ZNF785: variants seen among roughly 807,000 people sequenced by gnomAD.
ZNF785 encodes the protein zinc finger protein 785.
Under a neutral mutation model 11.3 loss-of-function variants are expected in ZNF785, and 15 were observed. The observed-to-expected ratio is 1.32, with a 90% CI of 0.89 to 2.04. The LOEUF (loss-of-function observed/expected upper bound fraction) is 2.04, where lower values mean the gene tolerates loss of function less well. ZNF785 is among the 30% of genes most tolerant of loss of function. ZNF785 has a pLI of 0.00. For missense variants in ZNF785, 572 were observed against 560.9 expected, an observed-to-expected ratio of 1.02 and a Z score of -0.20; for synonymous variants, 221 against 231.0, an observed-to-expected ratio of 0.96 and a Z score of 0.39.
In ZNF785 at chr16:30,582,866, G is replaced by A. The variant is rs770079572; in HGVS notation, c.912C>T (p.Arg304=). Residue 304 remains arginine (R), a synonymous_variant, in exon 3 of 3, where the codon CGC becomes CGT. Transcript: ENST00000395216. Reference sequence around the variant, plus strand: ...GGTAGGGCTTCTCGCCGGTGTGTATGCGCCTGTGGATGGCCAGCAGGGAGG... The same window carrying A: ...GGTAGGGCTTCTCGCCGGTGTGTATACGCCTGTGGATGGCCAGCAGGGAGG... ...AYTSLLAIHR[R]IHTGEKPYPC... 6.2e-7 allele frequency: 1 copy of A among 1,613,362 alleles called. No homozygotes were observed. Among genetic ancestry groups the A allele is most frequent in the Non-Finnish European group, 8.5e-7 (1 of 1,179,774 alleles).
rs2051885289 is a variant in ZNF785 at position 30,585,601 on chromosome 16, G to GCTTC, written c.10_11insGAAG (p.Pro4ArgfsTer96). 1.3e-6 allele frequency: 2 copies of GCTTC among 1,501,778 alleles called. No homozygotes were observed. Among genetic ancestry groups the GCTTC allele is most frequent in the Non-Finnish European group, 1.8e-6 (2 of 1,131,992 alleles). The allele number at this position is 1,501,778 out of a possible 1,614,324, so 93.0% of individuals were successfully genotyped here. A position where few individuals can be genotyped will look rare whatever the true frequency, so the allele number is the denominator to read the frequency against. On this transcript the variant is annotated frameshift_variant, in exon 1 of 3. Transcript: ENST00000395216. LOFTEE classifies it high-confidence loss of function. The surrounding 1 kb of genome is among the most constrained non-coding windows in gnomAD (Gnocchi z 4.0). ...TACGTGGGCCGGGCGCGGCGCCAGG[G>GCTTC]GCGGCCCCATGGGAAACCCTTTCTG... is the stretch of plus-strand genomic sequence containing the variant.
At chr16:30,579,650 G>C (rs917640058), downstream of ZNF785, 5 of 393,200 alleles carry the variant, frequency 1.3e-5, no homozygotes, top group African/African-American at 1.0e-4. Context: ...ACAGTGCTGG[G>C]ATCACAGGTG....
chr16:30,585,371 C>T lies in ZNF785; in HGVS notation c.205+36G>A. ...GACACCGATCACCGCTTCCCACCGA[C>T]GGACTGGGGGTCCCGGCCGGAGGGC... is the stretch of plus-strand genomic sequence containing the variant. On this transcript the variant is annotated intron_variant, in intron 1 of 2. Coordinates refer to ENST00000395216, the MANE Select transcript of ZNF785 (RefSeq NM_152458.7). This position sits in a 1 kb window ranked among gnomAD's most constrained non-coding sequence, Gnocchi z 4.0. 6.4e-7 allele frequency: 1 copy of T among 1,573,150 alleles called. No homozygotes were observed. The highest frequency in any genetic ancestry group is 8.6e-7 in the Non-Finnish European group (1 of 1,161,694).
intron 2 of ZNF785, 127 bp downstream of exon 2, chr16:30,584,995 G>A: frequency 7.7e-7 from 1 of 1,294,576 alleles, no homozygotes; most frequent in Non-Finnish European, 1.0e-6. Context: ...GTGAGATGAG[G>A]ACGTTTCTGG....
rs750261608 is a variant in ZNF785, at chr16:30,582,977, G to T, written c.801C>A (p.Tyr267Ter). Residue 267 changes from tyrosine (Y) to a stop codon, truncating the protein, a stop_gained, in exon 3 of 3, where the codon TAC becomes TAA. Coordinates refer to ENST00000395216, the MANE Select transcript of ZNF785 (RefSeq NM_152458.7). LOFTEE classifies it low-confidence loss of function (END_TRUNC). ...ACSDCKSRFTYPYLLAIHQRK... is the reference protein window; with the variant it reads ...ACSDCKSRFT ...GCTGGTGGATGGCCAGCAGGTAGGG[G>T]TAAGTGAAGCGACTCTTGCAGTCTG... 3.7e-6 allele frequency: 6 copies of T among 1,613,992 alleles called. No homozygotes were observed. In the South Asian group the frequency reaches 6.6e-5, roughly 18 times the overall value.
In ZNF785 at chr16:30,583,350, G is replaced by C. The variant is rs540060247; in HGVS notation, c.428C>G (p.Pro143Arg). Residue 143 changes from proline to arginine, a missense_variant, in exon 3 of 3, where the codon CCC becomes CGC. Coordinates refer to ENST00000395216, the MANE Select transcript of ZNF785 (RefSeq NM_152458.7). ...AHEVAVKEWW[P>R]SVACPEFCNP... ...GCAGAACTCTGGGCAGGCGACGCTG[G>C]GCCACCACTCCTTGACAGCCACTTC... The C allele has an allele frequency of 6.2e-7, 1 of 1,613,508 alleles. No individual in the cohort carries two copies. The highest frequency in any genetic ancestry group is 2.2e-5 in the East Asian group (1 of 44,874).
In ZNF785 at chr16:30,585,550, G is replaced by A. The variant is rs367616716; in HGVS notation, c.62C>T (p.Thr21Met). 2 of 1,564,656 alleles carry A rather than the reference G, an allele frequency of 1.3e-6. No individual in the cohort carries two copies. The highest frequency in any genetic ancestry group is 2.7e-5 in the African/African-American group (2 of 73,668). ...CACGGCGCCCGGCCTGCTTTCCCTC[G>A]TCCTCCGGGGCCCGGCCTCCCCGGG... ...HVPGEAGPRRTRESRPGAVSF... is the reference protein window; with the variant it reads ...HVPGEAGPRRMRESRPGAVSF... Residue 21 changes from threonine (T) to methionine (M), a missense_variant, in exon 1 of 3, where the codon ACG becomes ATG. Thr to Met is a moderately conservative substitution (Grantham distance 81). Transcript: ENST00000395216. This position sits in a 1 kb window ranked among gnomAD's most constrained non-coding sequence, Gnocchi z 4.0.
At chr16:30,578,860 T>C (rs946563962), downstream of ZNF785, 1 of 148,620 alleles carries the variant, frequency 6.7e-6, no homozygotes, top group Non-Finnish European at 1.5e-5. Context: ...GTCTTGCTGT[T>C]ACTCAGACTG....
rs2051832666 is a variant in ZNF785, at chr16:30,582,813, G to A, written c.965C>T (p.Thr322Ile). The A allele has an allele frequency of 1.9e-6, 3 of 1,607,668 alleles. No homozygotes were observed. Among genetic ancestry groups the A allele is most frequent in the Non-Finnish European group, 2.6e-6 (3 of 1,175,930 alleles). Reference sequence around the variant, plus strand: ...GTGACTGAGGAGGAGGGAAGAATAGGTGAAGCGGCGGCCGCAGTCAGGACA... The same window carrying A: ...GTGACTGAGGAGGAGGGAAGAATAGATGAAGCGGCGGCCGCAGTCAGGACA... ...YPCPDCGRRF[T>I]YSSLLLSHRR... The change falls in exon 3 of 3, where the codon ACC becomes ATC. Residue 322 changes from threonine to isoleucine, a missense_variant. Transcript: ENST00000395216.
Position 30,585,368 on chromosome 16 carries a change from C to A in ZNF785, c.205+39G>T, listed in dbSNP as rs1169397684. The A allele has an allele frequency of 1.3e-6, 2 of 1,572,950 alleles. No individual in the cohort carries two copies. The highest frequency in any genetic ancestry group is 3.7e-5 in the Admixed American group (2 of 53,678). ...GGGGACACCGATCACCGCTTCCCAC[C>A]GACGGACTGGGGGTCCCGGCCGGAG... is the stretch of plus-strand genomic sequence containing the variant. On this transcript the variant is annotated intron_variant, in intron 1 of 2. Transcript: ENST00000395216. This position sits in a 1 kb window ranked among gnomAD's most constrained non-coding sequence, Gnocchi z 4.0.
rs765385381 is a variant in ZNF785 at position 30,585,149 on chromosome 16, A to C, written c.307T>G (p.Phe103Val). The change falls in exon 2 of 3, where the codon TTC becomes GTC. Residue 103 changes from phenylalanine (F) to valine (V), a missense_variant. Transcript: ENST00000395216. This position sits in a 1 kb window ranked among gnomAD's most constrained non-coding sequence, Gnocchi z 4.0. ...QDPDGESSAA[F>V]SRGQGQEAGS... ...GCTTCCTGTCCTTGGCCCCTGCTGA[A>C]AGCTGCAGAGCTCTCACCGTCGGGA... is the stretch of plus-strand genomic sequence containing the variant. 6.2e-7 allele frequency: 1 copy of C among 1,613,560 alleles called. No homozygotes were observed. Among genetic ancestry groups the C allele is most frequent in the East Asian group, 2.2e-5 (1 of 44,860 alleles).
chr16:30,580,122 C>T (rs1376135555), downstream of ZNF785, among the ~76,000 whole-genome samples: 5 of 149,834 alleles, frequency 3.3e-5, no homozygotes, highest in East Asian at 9.9e-4. Context: ...CTCCTGACCT[C>T]GTGATCCACC....
rs1297841661 is a variant in ZNF785 at position 30,585,310 on chromosome 16, C to T, written c.206-60G>A. 1.9e-6 allele frequency: 3 copies of T among 1,592,382 alleles called. No individual in the cohort carries two copies. The highest frequency in any genetic ancestry group is 1.7e-6 in the Non-Finnish European group (2 of 1,170,290). ...ACGGGAGGGGAGAATGAGACTGCTC[C>T]CTCGGCGCCCCGCTTCCAGCCCACT... On this transcript the variant is annotated intron_variant, in intron 1 of 2. Transcript: ENST00000395216. This position sits in a 1 kb window ranked among gnomAD's most constrained non-coding sequence, Gnocchi z 4.0.
In ZNF785 at chr16:30,583,381, C is replaced by T; in HGVS notation, c.397G>A (p.Ala133Thr). The change falls in exon 3 of 3, where the codon GCG becomes ACG. Residue 133 changes from alanine to threonine, a missense_variant. Ala to Thr is a moderately conservative substitution (Grantham distance 58). Transcript: ENST00000395216. ...CACTCCTTGACAGCCACTTCATGCG[C>T]CACCTCTTTTTGTTTTGGACACTTC... Reference protein sequence around the residue: ...LKKCPKQKEVAHEVAVKEWWP... With the variant: ...LKKCPKQKEVTHEVAVKEWWP... 7 of 1,606,146 alleles carry T rather than the reference C, an allele frequency of 4.4e-6. No homozygotes were observed. The highest frequency in any genetic ancestry group is 5.1e-6 in the Non-Finnish European group (6 of 1,175,948).
chr16:30,579,871 C>T (rs1377734167), downstream of ZNF785: 3 of 455,150 alleles, frequency 6.6e-6, no homozygotes. Context: ...AAAGAACTCT[C>T]TTAACTGTTG....
rs537500987 is a variant in ZNF785 at position 30,583,579 on chromosome 16, C to A, written c.335-136G>T. The A allele has an allele frequency of 3.3e-6, 4 of 1,211,812 alleles. No homozygotes were observed. The African/African-American group carries it at 6.1e-5, about 18-fold the overall frequency. The allele number at this position is 1,211,812 out of a possible 1,614,324, so 75.1% of individuals were successfully genotyped here. A position where few individuals can be genotyped will look rare whatever the true frequency, so the allele number is the denominator to read the frequency against. The stretch of plus-strand genomic sequence containing the variant: ...AGCAGGAATGGTTCAGAATATGGCG[C>A]CCAGGGAGCACGGCTTAATGATAGG... On this transcript the variant is annotated intron_variant, in intron 2 of 2. Coordinates refer to ENST00000395216, the MANE Select transcript of ZNF785 (RefSeq NM_152458.7).
rs148756808 is a variant in ZNF785, at chr16:30,583,169, G to A, written c.609C>T (p.Gly203=). The A allele has an allele frequency of 1.0e-4, 161 of 1,613,738 alleles. No individual in the cohort carries two copies. The highest frequency in any genetic ancestry group is 1.2e-4 in the Non-Finnish European group (145 of 1,179,900). Residue 203 remains glycine, a synonymous_variant, in exon 3 of 3, where the codon GGC becomes GGT. Coordinates refer to ENST00000395216, the MANE Select transcript of ZNF785 (RefSeq NM_152458.7). ...GCTGGGAGAAACGCGCCTGACACTG[G>A]CCGCAGGAGAAGGGCCGCTCCCCGG... The part of the protein sequence containing the change: ...VHSGERPFSC[G]QCQARFSQRR...
In ZNF785 at chr16:30,585,658, A is replaced by G; in HGVS notation, c.-47T>C. On this transcript the variant is annotated 5_prime_UTR_variant, in exon 1 of 3. Coordinates refer to ENST00000395216, the MANE Select transcript of ZNF785 (RefSeq NM_152458.7). The surrounding 1 kb of genome is among the most constrained non-coding windows in gnomAD (Gnocchi z 4.0). ...AAAGGGAGGCTTCCGGGGAAGGTGG[A>G]GATGCTGGCGCTTTCCTGTCTTTCC... is the stretch of plus-strand genomic sequence containing the variant. 1 of 1,447,166 alleles carries G rather than the reference A, an allele frequency of 6.9e-7. No homozygotes were observed. Among genetic ancestry groups the G allele is most frequent in the Middle Eastern group, 1.8e-4 (1 of 5,544 alleles). 89.6% of individuals were successfully genotyped at this position (1,447,166 alleles called of 1,614,324 possible). A position where few individuals can be genotyped will look rare whatever the true frequency, so the allele number is the denominator to read the frequency against.
Position 30,583,297 on chromosome 16 carries a change from A to G in ZNF785, c.481T>C (p.Trp161Arg). Residue 161 changes from tryptophan (W) to arginine (R), a missense_variant, in exon 3 of 3, where the codon TGG becomes CGG. Trp to Arg is a moderately radical substitution (Grantham distance 101). Transcript: ENST00000395216. Reference protein sequence around the residue: ...CNPRQSPMNPWLKDTLTRRLP... With the variant: ...CNPRQSPMNPRLKDTLTRRLP... ...CTTCGGGTCAGAGTGTCCTTGAGCCAGGGATTCATGGGGCTCTGCCTAGGG... is the reference window on the plus strand; with the variant it reads ...CTTCGGGTCAGAGTGTCCTTGAGCCGGGGATTCATGGGGCTCTGCCTAGGG... 1 of 1,613,980 alleles carries G rather than the reference A, an allele frequency of 6.2e-7. No homozygotes were observed. The highest frequency in any genetic ancestry group is 8.5e-7 in the Non-Finnish European group (1 of 1,179,882).
Sources: gnomAD v4.1 joint callset for allele counts (sites outside exome capture counted in the v4.1 genomes callset) on GRCh38, gnomAD v4.1.1 for gene constraint, Gnocchi (gnomAD v3.1) non-coding constraint, MANE v1.5 for transcripts, NCBI Gene and HGNC (gene_info 2026-07-23, HGNC 2026-07-21) for gene names.